The following UNC80 variants were observed in gnomAD, a reference collection of about 807,000 sequenced individuals.
UNC80 encodes unc-80 subunit of NALCN channel complex.
UNC80 carries 164 observed loss-of-function variants against 384.6 expected under a neutral mutation model. That is an observed-to-expected ratio of 0.43 (90% CI 0.38 to 0.49). The LOEUF (loss-of-function observed/expected upper bound fraction) is 0.49. UNC80 is among the 20% of genes least tolerant of loss of function. The pLI is 0.00. For synonymous variants in UNC80, 1,486 were observed against 1,527.8 expected, an observed-to-expected ratio of 0.97 and a Z score of 0.64; for missense variants, 3,330 against 4,143.0, an observed-to-expected ratio of 0.80 and a Z score of 5.39.
At chr2:209,938,706 C>CTCTG (rs2091418618) in intron 42 of UNC80, among the ~76,000 whole-genome samples, 1 of 140,790 alleles carries the variant, frequency 7.1e-6, no homozygotes, top group South Asian at 2.2e-4. Flanking sequence ...CTCTCTCTCT[C>CTCTG]TCTCTGTGTG....
chr2:209,817,679 C>T, intron 10 of UNC80, 133 bp from the exon 11 acceptor site: 2 of 1,143,506 alleles, frequency 1.7e-6, no homozygotes, highest in Non-Finnish European at 2.4e-6. Flanking sequence ...TCAGTTCTTG[C>T]TTTTTTTGTC....
intron 35 of UNC80, among the ~76,000 whole-genome samples, chr2:209,922,807 TTTTG>T (rs1199284264): frequency 6.6e-6 from 1 of 151,878 alleles, no homozygotes; most frequent in African/African-American, 2.4e-5. Flanking sequence ...TTGTTTTTGT[TTTTG>T]TTTTTGTTTT....
chr2:209,902,943 GTA>G (rs2087591756), intron 28 of UNC80, among the ~76,000 whole-genome samples: 1 of 122,536 alleles, frequency 8.2e-6, no homozygotes, highest in Non-Finnish European at 1.7e-5. Flanking sequence ...GTGTGTGTGT[GTA>G]CAGTCATCCC....
chr2:209,833,472 A>G (rs1197206388), intron 16 of UNC80, among the ~76,000 whole-genome samples: 1 of 152,222 alleles, frequency 6.6e-6, no homozygotes, highest in African/African-American at 2.4e-5. Context: ...ATGGGCTACA[A>G]CATATATGTA....
At chr2:209,898,968 T>G (rs2087092093) in intron 28 of UNC80, among the ~76,000 whole-genome samples, 1 of 152,240 alleles carries the variant, frequency 6.6e-6, no homozygotes, top group Non-Finnish European at 1.5e-5. Flanking sequence ...TCTTTATGGC[T>G]GAGTAGTACT....
chr2:209,815,448 A>T, intron 9 of UNC80, 57 bp downstream of exon 9: 2 of 1,520,768 alleles, frequency 1.3e-6, no homozygotes, highest in Non-Finnish European at 1.8e-6. Context: ...TGTCAGTGGG[A>T]CATGAGATGT....
intron 54 of UNC80, 76 bp from the exon 55 acceptor site, chr2:209,972,125 A>G: frequency 6.6e-7 from 1 of 1,510,662 alleles, no homozygotes. Context: ...CACCGTCTCC[A>G]TCATACTGTG....
chr2:209,830,113 T>C (rs1367525438), intron 15 of UNC80, among the ~76,000 whole-genome samples: 1 of 152,220 alleles, frequency 6.6e-6, no homozygotes, highest in Admixed American at 6.5e-5. Flanking sequence ...AATTAGAGTC[T>C]GGGAAGGATA....
chr2:209,808,290 TG>T (rs1217423687), intron 7 of UNC80, among the ~76,000 whole-genome samples: 1 of 122,956 alleles, frequency 8.1e-6, no homozygotes, highest in Admixed American at 8.7e-5. Flanking sequence ...AGGCTGGGCG[TG>T]GTGGTTCACG....
At chr2:209,969,428 T>G in intron 52 of UNC80, 2 of 237,030 alleles carry the variant, frequency 8.4e-6, no homozygotes, top group Non-Finnish European at 1.6e-5. Flanking sequence ...TGGGGTCAGA[T>G]TAGTTCTATT....
chr2:209,869,047 A>G (rs981322786), intron 22 of UNC80: 5 of 152,104 alleles, frequency 3.3e-5, no homozygotes, highest in Admixed American at 2.6e-4. Flanking sequence ...AGTGGTGTCA[A>G]ATTTTGTTTA....
intron 29 of UNC80, among the ~76,000 whole-genome samples, chr2:209,912,000 C>T (rs187255937): frequency 4.8e-4 from 73 of 152,284 alleles, no homozygotes; most frequent in Non-Finnish European, 8.7e-4. Flanking sequence ...CAACTCAGTC[C>T]TTGATAATGG....
chr2:209,810,838 A>C (rs2079293195), intron 7 of UNC80, among the ~76,000 whole-genome samples: 1 of 152,146 alleles, frequency 6.6e-6, no homozygotes, highest in Admixed American at 6.5e-5. Flanking sequence ...TCTTATAATA[A>C]ATCAAATGAT....
At chr2:209,909,428 CAT>C (rs1191958501) in intron 29 of UNC80, among the ~76,000 whole-genome samples, 3 of 152,164 alleles carry the variant, frequency 2.0e-5, no homozygotes, top group Admixed American at 2.0e-4. Flanking sequence ...TCAGGATGAA[CAT>C]AGTCTTTCAT....
Position 209,954,192 on chromosome 2 carries a change from C to A in UNC80, c.7379C>A (p.Ala2460Asp). The change falls in exon 48 of 65, where the codon GCC becomes GAC. Residue 2460 changes from alanine (A) to aspartate (D), a missense_variant. Physicochemically the swap from Ala to Asp is moderately radical, Grantham distance 126. This residue lies in a region of UNC80 where 1,049 missense variants were observed against 1,488.6 expected (regional missense o/e 0.70). Coordinates refer to ENST00000673920, the MANE Select transcript of UNC80 (RefSeq NM_001371986.1). ...QTSQVETVPAAREEIAATAAL... is the reference protein window; with the variant it reads ...QTSQVETVPADREEIAATAAL... ...TCACAGGTGGAGACAGTACCTGCTGCCCGAGAGGAGATTGCGGCCACTGCT... is the reference window on the plus strand; with the variant it reads ...TCACAGGTGGAGACAGTACCTGCTGACCGAGAGGAGATTGCGGCCACTGCT... 6.4e-7 allele frequency: 1 copy of A among 1,551,058 alleles called. No homozygotes were observed. Among genetic ancestry groups the A allele is most frequent in the Non-Finnish European group, 8.7e-7 (1 of 1,146,930 alleles).
chr2:209,896,280 A>C (rs772391127), intron 27 of UNC80, 33 bp from the exon 28 acceptor site: 60 of 1,537,068 alleles, frequency 3.9e-5, no homozygotes, highest in Non-Finnish European at 5.3e-5. Context: ...GAGACCGAAC[A>C]CTGAAACCTT....
intron 10 of UNC80, among the ~76,000 whole-genome samples, 152 bp from the exon 11 acceptor site, chr2:209,817,660 A>G (rs1000817214): frequency 2.6e-5 from 4 of 152,074 alleles, no homozygotes; most frequent in Non-Finnish European, 5.9e-5. Context: ...GAATATCCCC[A>G]TGGCAAGTTC....
intron 49 of UNC80, among the ~76,000 whole-genome samples, chr2:209,958,100 A>G (rs757731461): frequency 3.9e-5 from 6 of 152,200 alleles, no homozygotes; most frequent in Non-Finnish European, 5.9e-5. Flanking sequence ...CAGGGCACTC[A>G]GAGTCAACTT....
intron 35 of UNC80, among the ~76,000 whole-genome samples, chr2:209,925,792 C>A (rs373994028): frequency 6.3e-4 from 96 of 152,250 alleles, no homozygotes; most frequent in African/African-American, 2.2e-3. Flanking sequence ...AAGTCCACAT[C>A]CAACCCAGAA....
Sources: allele counts gnomAD v4.1 joint callset (sites outside exome capture counted in the v4.1 genomes callset), GRCh38; gene constraint gnomAD v4.1.1; regional missense constraint gnomAD v4.1.1; transcripts MANE v1.5; gene names NCBI Gene and HGNC (gene_info 2026-07-23, HGNC 2026-07-21).